Variants in HSF5 observed in about 807,000 individuals in gnomAD.
HSF5 encodes heat shock factor protein 5.
Under a neutral mutation model 50.8 loss-of-function variants are expected in HSF5, and 5 were observed. That is an observed-to-expected ratio of 0.10 (90% CI 0.05 to 0.21). The LOEUF (loss-of-function observed/expected upper bound fraction) is 0.21. Ranked by LOEUF, HSF5 falls within the 10% of genes least tolerant of loss-of-function variation. HSF5 has a pLI of 1.00. For missense variants in HSF5, 564 were observed against 762.6 expected, an observed-to-expected ratio of 0.74 and a Z score of 3.07; for synonymous variants, 307 against 307.4, an observed-to-expected ratio of 1.00 and a Z score of 0.02.
chr17:58,452,363 GACT>G (rs1191438561), intron 5 of HSF5, among the ~76,000 whole-genome samples: 30 of 152,166 alleles, frequency 2.0e-4, no homozygotes, highest in African/African-American at 6.0e-4. Flanking sequence ...AAGGATAAGA[GACT>G]ACTATGAACA....
intron 5 of HSF5, among the ~76,000 whole-genome samples, chr17:58,446,169 G>A (rs1393561267): frequency 6.6e-6 from 1 of 151,312 alleles, no homozygotes; most frequent in East Asian, 1.9e-4. Context: ...TTAAAATGGG[G>A]CAGAGGCAGA....
chr17:58,469,142 A>G (rs1036200321), intron 2 of HSF5, among the ~76,000 whole-genome samples: 2 of 151,892 alleles, frequency 1.3e-5, no homozygotes, highest in Non-Finnish European at 2.9e-5. Context: ...TATAGCAGCT[A>G]AGGAAAATCT....
rs557210402 is a variant in HSF5, at chr17:58,421,853, C to T, written c.*507G>A. 1 of 152,808 alleles carries T rather than the reference C, an allele frequency of 6.5e-6. No individual in the cohort carries two copies. The highest frequency in any genetic ancestry group is 1.5e-5 in the Non-Finnish European group (1 of 68,124). 9.5% of individuals were successfully genotyped at this position (152,808 alleles called of 1,614,324 possible). ...GAAAATTAGCTCTTCTCCAGAGTTTCTTCCCTGGAATTCCTGATGCATTTA... is the reference window on the plus strand; with the variant it reads ...GAAAATTAGCTCTTCTCCAGAGTTTTTTCCCTGGAATTCCTGATGCATTTA... On this transcript the variant is annotated 3_prime_UTR_variant, in exon 6 of 6. Transcript: ENST00000323777.
chr17:58,456,162 T>TACAC (rs1555642240), intron 5 of HSF5, among the ~76,000 whole-genome samples: 1,599 of 107,074 alleles, frequency 0.015, 26 homozygotes, highest in African/African-American at 0.055. Context: ...TGTGTGTGTG[T>TACAC]ATATACACAC....
intron 3 of HSF5, among the ~76,000 whole-genome samples, chr17:58,466,620 T>G (rs1005097148): frequency 6.6e-6 from 1 of 152,238 alleles, no homozygotes; most frequent in Non-Finnish European, 1.5e-5. Flanking sequence ...CTGAGGAATT[T>G]TTAAATTTCA....
At chr17:58,460,482 C>T (rs983567068) in intron 4 of HSF5, among the ~76,000 whole-genome samples, 7 of 73,232 alleles carry the variant, frequency 9.6e-5, no homozygotes, top group African/African-American at 3.4e-4. Context: ...TATATATACA[C>T]ACACACACAC....
At chr17:58,438,327 T>G (rs1268506508) in intron 5 of HSF5, among the ~76,000 whole-genome samples, 1 of 152,234 alleles carries the variant, frequency 6.6e-6, no homozygotes, top group Non-Finnish European at 1.5e-5. Flanking sequence ...AGCCTAGGTA[T>G]GTAGTAGGCA....
chr17:58,485,725 G>A (rs530014168), intron 1 of HSF5, among the ~76,000 whole-genome samples: 2 of 144,968 alleles, frequency 1.4e-5, no homozygotes, highest in African/African-American at 5.2e-5. Context: ...CCAGCCTGGG[G>A]GACAGAGTGA....
chr17:58,455,527 T>A (rs1056784945), intron 5 of HSF5, among the ~76,000 whole-genome samples: 1 of 151,828 alleles, frequency 6.6e-6, no homozygotes, highest in African/African-American at 2.4e-5. Flanking sequence ...CACAATACAA[T>A]GAAGAGACAA....
Position 58,422,215 on chromosome 17 carries a change from CAATT to C in HSF5, c.*141_*144del. ...GTAGTACATACAAATTCCCAATTCT[CAATT>C]AACAAAATTCTCAATTAACGAAACA... On this transcript the variant is annotated 3_prime_UTR_variant, in exon 6 of 6. Transcript: ENST00000323777. The C allele has an allele frequency of 1.6e-6, 1 of 616,564 alleles. No individual in the cohort carries two copies. The highest frequency in any genetic ancestry group is 2.8e-6 in the Non-Finnish European group (1 of 351,214). The allele number at this position is 616,564 out of a possible 1,614,324, so 38.2% of individuals were successfully genotyped here.
intron 3 of HSF5, 102 bp downstream of exon 3, chr17:58,466,783 C>T (rs1321118244): frequency 3.1e-5 from 22 of 714,110 alleles, no homozygotes; most frequent in Non-Finnish European, 5.6e-5. Flanking sequence ...CCACAGCTTA[C>T]TTCTGGTTAC....
At chr17:58,485,102 C>G (rs1446931790) in intron 1 of HSF5, among the ~76,000 whole-genome samples, 1 of 151,626 alleles carries the variant, frequency 6.6e-6, no homozygotes, top group Non-Finnish European at 1.5e-5. Context: ...CTACAGGCAC[C>G]CGCCACCACG....
At chr17:58,475,607 C>T (rs1975002170) in intron 2 of HSF5, among the ~76,000 whole-genome samples, 1 of 152,112 alleles carries the variant, frequency 6.6e-6, no homozygotes, top group African/African-American at 2.4e-5. Context: ...CCACTTAACC[C>T]CCCCAAACAT....
At chr17:58,449,715 A>AT (rs1440911590) in intron 5 of HSF5, among the ~76,000 whole-genome samples, 99 of 128,410 alleles carry the variant, frequency 7.7e-4, no homozygotes, top group African/African-American at 2.5e-3. Context: ...AAAAAAAAAA[A>AT]TTTTTTTTAA....
At chr17:58,455,845 A>C (rs1057429739) in intron 5 of HSF5, among the ~76,000 whole-genome samples, 1 of 152,184 alleles carries the variant, frequency 6.6e-6, no homozygotes, top group African/African-American at 2.4e-5. Context: ...AATGCTGGCA[A>C]AGATGCAGAG....
chr17:58,421,154 C>T lies in HSF5; in HGVS notation c.*1206G>A, dbSNP rs569248475. 10 of 152,642 alleles carry T rather than the reference C, an allele frequency of 6.6e-5. No homozygotes were observed. Among genetic ancestry groups the T allele is most frequent in the African/African-American group, 2.4e-4 (10 of 41,572 alleles). 9.5% of individuals were successfully genotyped at this position (152,642 alleles called of 1,614,324 possible). On this transcript the variant is annotated 3_prime_UTR_variant, in exon 6 of 6. Transcript: ENST00000323777. ...TAAGGGATTAACCACAGAAACTGGA[C>T]ATCCAAGACATCCTTCTCTCCTAAA...
At chr17:58,478,881 AAG>A (rs1975061829) in intron 2 of HSF5, among the ~76,000 whole-genome samples, 1 of 151,202 alleles carries the variant, frequency 6.6e-6, no homozygotes, top group African/African-American at 2.4e-5. Flanking sequence ...AAAAAAAAAA[AAG>A]AGAAGAAAAG....
chr17:58,431,740 G>A (rs1974367336), intron 5 of HSF5, among the ~76,000 whole-genome samples: 1 of 152,154 alleles, frequency 6.6e-6, no homozygotes, highest in African/African-American at 2.4e-5. Flanking sequence ...TAACCCTATT[G>A]GACCTAGCAC....
chr17:58,486,814 T>G (rs1975187399), intron 1 of HSF5, among the ~76,000 whole-genome samples: 1 of 151,952 alleles, frequency 6.6e-6, no homozygotes, highest in African/African-American at 2.4e-5. Flanking sequence ...AGGTGGAAGG[T>G]GGCAGCCCTC....
Sources: gnomAD v4.1 joint callset for allele counts (sites outside exome capture counted in the v4.1 genomes callset) on GRCh38, gnomAD v4.1.1 for gene constraint, MANE v1.5 for transcripts, NCBI Gene and HGNC (gene_info 2026-07-23, HGNC 2026-07-21) for gene names.